The following GINM1 variants were observed in gnomAD, a reference collection of about 807,000 sequenced individuals.
GINM1 encodes the protein glycosylated integral membrane protein 1, also known as glycoprotein integral membrane protein 1.
Under a neutral mutation model 37.8 loss-of-function variants are expected in GINM1, and 29 were observed. That is an observed-to-expected ratio of 0.77 (90% confidence interval 0.57 to 1.05). The LOEUF is 1.05. GINM1 is among the 50% of genes least tolerant of loss of function. The pLI is 0.00. For missense variants in GINM1, 377 were observed against 397.9 expected (o/e 0.95, Z 0.45); for synonymous variants, 143 against 146.2 (o/e 0.98, Z 0.16).
chr6:149,582,326 C>A, intron 6 of GINM1, 114 bp from the exon 7 acceptor site: 1 of 885,766 alleles, frequency 1.1e-6, no homozygotes, highest in Non-Finnish European at 1.8e-6. Flanking sequence ...TAACTACCAG[C>A]ACAATCAAAA....
intron 1 of GINM1, among the ~76,000 whole-genome samples, chr6:149,568,924 C>A (rs1480072508): frequency 2.7e-5 from 4 of 150,904 alleles, no homozygotes; most frequent in African/African-American, 9.8e-5. Flanking sequence ...CTCTGCCTCC[C>A]AGGTTCAAGT....
chr6:149,580,413 C>T (rs773509482), intron 5 of GINM1, among the ~76,000 whole-genome samples, 180 bp from the exon 6 acceptor site: 11 of 152,284 alleles, frequency 7.2e-5, no homozygotes, highest in Non-Finnish European at 1.3e-4. Flanking sequence ...GCTCCTTATA[C>T]GTGTCTTAGT....
At chr6:149,581,871 G>C (rs560278241) in intron 6 of GINM1, among the ~76,000 whole-genome samples, 14 of 152,270 alleles carry the variant, frequency 9.2e-5, no homozygotes, top group African/African-American at 3.4e-4. Flanking sequence ...CCTTTACCCT[G>C]TCTACCTCAC....
In GINM1 at chr6:149,580,728, A is replaced by G. The variant is rs919845664; in HGVS notation, c.717+5A>G. 19 of 1,613,130 alleles carry G rather than the reference A, an allele frequency of 1.2e-5. No homozygotes were observed. Among genetic ancestry groups the G allele is most frequent in the Non-Finnish European group, 1.6e-5 (19 of 1,179,396 alleles). ...GAGCCGCCATCTTCATATAAGGTAAATCAAGTATTTGGTGTTATCATAAGC... is the reference window on the plus strand; with the variant it reads ...GAGCCGCCATCTTCATATAAGGTAAGTCAAGTATTTGGTGTTATCATAAGC... On this transcript the variant is annotated splice_donor_5th_base_variant and intron_variant, in intron 6 of 7. Coordinates refer to ENST00000367419, the MANE Select transcript of GINM1 (RefSeq NM_138785.5).
chr6:149,575,768 G>A (rs576344385), intron 3 of GINM1, among the ~76,000 whole-genome samples: 1 of 152,294 alleles, frequency 6.6e-6, no homozygotes, highest in South Asian at 2.1e-4. Flanking sequence ...GGAAGTGCTA[G>A]TACTACTGAA....
intron 3 of GINM1, among the ~76,000 whole-genome samples, chr6:149,573,425 T>C (rs1463352850): frequency 6.6e-6 from 1 of 152,148 alleles, no homozygotes; most frequent in Non-Finnish European, 1.5e-5. Flanking sequence ...CAAGACCCCA[T>C]CTCTAAAACA....
chr6:149,573,556 T>G (rs1582732884), intron 3 of GINM1, among the ~76,000 whole-genome samples: 1 of 152,140 alleles, frequency 6.6e-6, no homozygotes, highest in Non-Finnish European at 1.5e-5. Flanking sequence ...TTGATGAAAC[T>G]GTATTTCTGG....
At chr6:149,576,827 C>T (rs748096500) in intron 3 of GINM1, among the ~76,000 whole-genome samples, 1 of 152,168 alleles carries the variant, frequency 6.6e-6, no homozygotes, top group Non-Finnish European at 1.5e-5. Flanking sequence ...GTATGAGGCT[C>T]TTCTCACATT....
chr6:149,572,647 G>A (rs777733035), intron 3 of GINM1, 44 bp downstream of exon 3: 2 of 1,155,240 alleles, frequency 1.7e-6, no homozygotes, highest in South Asian at 1.2e-5. Flanking sequence ...TGTTTTTTGT[G>A]TGTTTGTTGT....
chr6:149,582,396 G>C, intron 6 of GINM1, 44 bp from the exon 7 acceptor site: 1 of 1,509,656 alleles, frequency 6.6e-7, no homozygotes, highest in Non-Finnish European at 9.0e-7. Context: ...TTTATTCTTA[G>C]AGATTGATGC....
chr6:149,570,764 A>G (rs1332557396), intron 1 of GINM1, among the ~76,000 whole-genome samples: 2 of 152,236 alleles, frequency 1.3e-5, no homozygotes, highest in Non-Finnish European at 2.9e-5. Flanking sequence ...ACCTCAAAGA[A>G]AAAGTATTTG....
intron 5 of GINM1, among the ~76,000 whole-genome samples, 171 bp from the exon 6 acceptor site, chr6:149,580,422 G>T (rs1249495558): frequency 6.6e-6 from 1 of 152,180 alleles, no homozygotes; most frequent in Non-Finnish European, 1.5e-5. Context: ...ACGTGTCTTA[G>T]TTTATAGTTC....
intron 3 of GINM1, among the ~76,000 whole-genome samples, chr6:149,576,544 A>G (rs914204776): frequency 3.3e-5 from 5 of 152,186 alleles, no homozygotes; most frequent in Admixed American, 1.3e-4. Flanking sequence ...TGAGGCCAGG[A>G]GTTCAAGACC....
chr6:149,584,826 T>TATAGAGAG (rs538714477), intron 7 of GINM1, among the ~76,000 whole-genome samples: 168 of 148,274 alleles, frequency 1.1e-3, no homozygotes, highest in African/African-American at 4.0e-3. Context: ...TATATATATA[T>TATAGAGAG]AGAGAGAGAG....
intron 1 of GINM1, among the ~76,000 whole-genome samples, chr6:149,568,590 A>G (rs1777757813): frequency 6.6e-6 from 1 of 152,262 alleles, no homozygotes; most frequent in African/African-American, 2.4e-5. Flanking sequence ...AATAGTCACA[A>G]GTGATTAGTG....
intron 4 of GINM1, 81 bp downstream of exon 4, chr6:149,579,054 A>C: frequency 1.1e-6 from 1 of 871,596 alleles, no homozygotes; most frequent in East Asian, 2.8e-5. Context: ...CAGTTATTTT[A>C]TTTGTTTCCG....
chr6:149,582,138 T>A (rs1373666852), intron 6 of GINM1: 4 of 500,362 alleles, frequency 8.0e-6, no homozygotes, highest in African/African-American at 1.9e-5. Context: ...TAGCAATTAT[T>A]TTCACTTGAT....
At position 149,590,891 on chromosome 6, in the gene GINM1, C is replaced by A. The variant is rs1778145121; in HGVS notation, c.*53C>A. The A allele has an allele frequency of 1.2e-6, 1 of 800,306 alleles. No individual in the cohort carries two copies. The highest frequency in any genetic ancestry group is 2.1e-6 in the Non-Finnish European group (1 of 468,334). The allele number at this position is 800,306 out of a possible 1,614,324, so 49.6% of individuals were successfully genotyped here. Reference sequence around the variant, plus strand: ...AGTAGCCTGTTGCCTCCAAATTTGCCACTTGAATATAATTTTCTTTAAATC... The same window carrying A: ...AGTAGCCTGTTGCCTCCAAATTTGCAACTTGAATATAATTTTCTTTAAATC... On this transcript the variant is annotated 3_prime_UTR_variant, in exon 8 of 8. Coordinates refer to ENST00000367419, the MANE Select transcript of GINM1 (RefSeq NM_138785.5).
chr6:149,590,841 C>A lies in GINM1; in HGVS notation c.*3C>A, dbSNP rs746196116. ...TTGAAGATAAAACATGTATTTAAAA[C>A]GCCATCTCATATCATGGACTCCGAA... On this transcript the variant is annotated 3_prime_UTR_variant, in exon 8 of 8. Transcript: ENST00000367419. 2.1e-6 allele frequency: 3 copies of A among 1,410,222 alleles called. No individual in the cohort carries two copies. Among genetic ancestry groups the A allele is most frequent in the Non-Finnish European group, 3.0e-6 (3 of 998,322 alleles). The allele number at this position is 1,410,222 out of a possible 1,614,324, so 87.4% of individuals were successfully genotyped here.
Sources: allele counts gnomAD v4.1 joint callset (sites outside exome capture counted in the v4.1 genomes callset), GRCh38; gene constraint gnomAD v4.1.1; transcripts MANE v1.5; gene names NCBI Gene and HGNC (gene_info 2026-07-23, HGNC 2026-07-21).